The following SLX9 variants were observed in gnomAD, a reference collection of about 807,000 sequenced individuals.
The protein encoded by SLX9 is ribosome biogenesis protein SLX9 homolog.
A neutral mutation model predicts 20.8 loss-of-function variants in SLX9; 19 were observed. The ratio of observed to expected loss-of-function variants is 0.91; its 90% CI spans 0.64 to 1.34. The LOEUF (loss-of-function observed/expected upper bound fraction) is 1.34. Among genes scored for constraint, SLX9 ranks in the 40% most tolerant of loss-of-function variants. The pLI is 0.00. For synonymous variants in SLX9, 113 were observed against 137.1 expected, an observed-to-expected ratio of 0.82 and a Z score of 1.23; for missense variants, 299 against 322.2, an observed-to-expected ratio of 0.93 and a Z score of 0.55.
intron 3 of SLX9, among the ~76,000 whole-genome samples, chr21:44,964,314 T>C (rs2084995496): frequency 6.6e-6 from 1 of 152,234 alleles, no homozygotes; most frequent in African/African-American, 2.4e-5. Context: ...GCATGTTTTC[T>C]GTATGTGTGG....
chr21:44,967,356 T>C (rs2085057053), intron 4 of SLX9, among the ~76,000 whole-genome samples, 175 bp downstream of exon 4: 1 of 152,124 alleles, frequency 6.6e-6, no homozygotes, highest in Non-Finnish European at 1.5e-5. Context: ...CGTGAGCTCG[T>C]GAGGCCCGTG....
chr21:44,966,383 C>T (rs763561866), intron 3 of SLX9, among the ~76,000 whole-genome samples: 18 of 152,222 alleles, frequency 1.2e-4, no homozygotes, highest in African/African-American at 2.4e-4. Flanking sequence ...AGGCCGTCCG[C>T]GCTCCACAGC....
intron 2 of SLX9, among the ~76,000 whole-genome samples, chr21:44,947,952 G>A (rs1055125865): frequency 5.9e-5 from 9 of 152,230 alleles, no homozygotes; most frequent in South Asian, 4.1e-4. Flanking sequence ...TGGGGGTGGC[G>A]AGGGACCTGT....
intron 3 of SLX9, among the ~76,000 whole-genome samples, chr21:44,960,649 A>G (rs73906980): frequency 0.018 from 2,775 of 152,332 alleles, 89 homozygotes; most frequent in African/African-American, 0.064. Flanking sequence ...GTGTCTGCGC[A>G]TAGCGGCGTG....
chr21:44,970,251 A>G (rs2085118805), intron 4 of SLX9, among the ~76,000 whole-genome samples: 1 of 152,186 alleles, frequency 6.6e-6, no homozygotes, highest in Non-Finnish European at 1.5e-5. Context: ...CTCCCCGTGT[A>G]TGTGTCGCTC....
chr21:44,943,237 G>A (rs949364608), intron 1 of SLX9, among the ~76,000 whole-genome samples: 1 of 152,214 alleles, frequency 6.6e-6, no homozygotes, highest in African/African-American at 2.4e-5. Flanking sequence ...CAGAGAGGCT[G>A]CTGAGATGAC....
At chr21:44,963,778 T>G (rs1288861616) in intron 3 of SLX9, among the ~76,000 whole-genome samples, 2 of 152,254 alleles carry the variant, frequency 1.3e-5, no homozygotes, top group African/African-American at 4.8e-5. Flanking sequence ...TTGTTGTACC[T>G]TAGCAAAAAC....
chr21:44,956,134 GT>G (rs1483837697), intron 2 of SLX9, among the ~76,000 whole-genome samples: 4 of 152,214 alleles, frequency 2.6e-5, no homozygotes, highest in African/African-American at 9.6e-5. Context: ...CTGTTGATTG[GT>G]TTGAAAAAGC....
At chr21:44,955,239 G>T (rs753186087) in intron 2 of SLX9, among the ~76,000 whole-genome samples, 6 of 148,190 alleles carry the variant, frequency 4.0e-5, no homozygotes, top group Admixed American at 6.6e-5. Context: ...AGAAAGCTTG[G>T]AAAACAGAGA....
chr21:44,943,736 G>A lies in SLX9; in HGVS notation c.182G>A (p.Ser61Asn). ...TTTGCCAGGACCAAGATAGACCCCA[G>A]CGCCTTGGTGCAGAAGCTGGAGCTG... ...NIFARTKIDP[S>N]ALVQKLELDV... is the part of the protein sequence containing the mutation. Residue 61 changes from serine to asparagine, a missense_variant, in exon 2 of 6, where the codon AGC becomes AAC. By Grantham distance (46) the Ser-to-Asn change is conservative. Transcript: ENST00000291634. 1 of 1,614,206 alleles carries A rather than the reference G, an allele frequency of 6.2e-7. No individual in the cohort carries two copies. The highest frequency in any genetic ancestry group is 8.5e-7 in the Non-Finnish European group (1 of 1,180,030).
intron 2 of SLX9, among the ~76,000 whole-genome samples, chr21:44,948,898 G>C (rs779258922): frequency 2.0e-5 from 3 of 152,222 alleles, no homozygotes; most frequent in Non-Finnish European, 4.4e-5. Flanking sequence ...TGAAGTGTGT[G>C]TGTGAGCAAG....
intron 3 of SLX9, among the ~76,000 whole-genome samples, chr21:44,962,269 C>T (rs1315666892): frequency 1.3e-5 from 2 of 152,132 alleles, no homozygotes; most frequent in African/African-American, 4.8e-5. Flanking sequence ...AAATCCTGTT[C>T]AGGTTATGGA....
chr21:44,974,682 C>T (rs146139130), intron 5 of SLX9, among the ~76,000 whole-genome samples: 2,153 of 152,330 alleles, frequency 0.014, 116 homozygotes, highest in Admixed American at 0.1. Flanking sequence ...CCTCCTGCCT[C>T]GGCCTCCTGA....
At chr21:44,946,131 A>G (rs2146612387) in intron 2 of SLX9, among the ~76,000 whole-genome samples, 2 of 152,362 alleles carry the variant, frequency 1.3e-5, no homozygotes, top group East Asian at 3.9e-4. Context: ...ATTGATTTCA[A>G]ATTTCAGAAC....
At chr21:44,957,043 A>G (rs1053573771) in intron 2 of SLX9, among the ~76,000 whole-genome samples, 7 of 151,982 alleles carry the variant, frequency 4.6e-5, no homozygotes, top group African/African-American at 7.3e-5. Context: ...GCAGCGTCTC[A>G]CCTTCCCTTT....
In SLX9 at chr21:44,943,984, G is replaced by A. The variant is rs1385794139; in HGVS notation, c.283+147G>A. The A allele has an allele frequency of 5.1e-6, 6 of 1,169,418 alleles. No individual in the cohort carries two copies. The East Asian group carries it at 1.3e-4, about 25-fold the overall frequency. 72.4% of individuals were successfully genotyped at this position (1,169,418 alleles called of 1,614,324 possible). A position where few individuals can be genotyped will look rare whatever the true frequency, so the allele number is the denominator to read the frequency against. ...GATGCCCCTGGCTGTTTCTTGGGGC[G>A]ATTCCCCAGAGTAGATTACAGCTGT... On this transcript the variant is annotated intron_variant, in intron 2 of 5. Transcript: ENST00000291634.
chr21:44,967,289 A>G, intron 4 of SLX9, 108 bp downstream of exon 4: 1 of 1,410,980 alleles, frequency 7.1e-7, no homozygotes, highest in Non-Finnish European at 9.4e-7. Context: ...CTGAGCCTGC[A>G]GAGGCCGAGA....
intron 5 of SLX9, 142 bp from the exon 6 acceptor site, chr21:44,976,538 G>C: frequency 7.6e-7 from 1 of 1,321,876 alleles, no homozygotes. Flanking sequence ...CCTCCTGCCG[G>C]AAGTTTCCGA....
At chr21:44,966,591 T>C (rs1321653687) in intron 3 of SLX9, among the ~76,000 whole-genome samples, 2 of 152,152 alleles carry the variant, frequency 1.3e-5, no homozygotes, top group African/African-American at 4.8e-5. Context: ...AGGTCTGTCC[T>C]GGGGCTTCTC....
Sources: gnomAD v4.1 joint callset for allele counts (sites outside exome capture counted in the v4.1 genomes callset) on GRCh38, gnomAD v4.1.1 for gene constraint, MANE v1.5 for transcripts, NCBI Gene and HGNC (gene_info 2026-07-23, HGNC 2026-07-21) for gene names.